Variants in PDE4B observed in about 807,000 individuals in gnomAD.
PDE4B encodes the protein 3',5'-cyclic-AMP phosphodiesterase 4B.
PDE4B carries 20 observed loss-of-function variants against 82.2 expected under a neutral mutation model. That is an observed-to-expected ratio of 0.24 (90% confidence interval 0.17 to 0.35). PDE4B has a LOEUF of 0.35. Ranked by LOEUF, PDE4B falls within the 10% of genes least tolerant of loss-of-function variation. The pLI is 1.00. For missense variants in PDE4B, 655 were observed against 907.2 expected (o/e 0.72, Z 3.57); for synonymous variants, 320 against 318.9 (o/e 1.00, Z -0.04).
chr1:66,090,621 A>ATATATATATATATATATG lies in PDE4B; in HGVS notation c.282-156838_282-156837insATATATATATATATATGT. Among the ~76,000 whole-genome samples, 27 of 122,718 alleles carry ATATATATATATATATATG rather than the reference A, an allele frequency of 2.2e-4. 2 individuals are homozygous for ATATATATATATATATATG. Among genetic ancestry groups the ATATATATATATATATATG allele is most frequent in the African/African-American group, 1.0e-3 (25 of 24,320 alleles). The allele number at this position is 122,718 out of a possible 152,430, so 80.5% of individuals were successfully genotyped here. A position where few individuals can be genotyped will look rare whatever the true frequency, so the allele number is the denominator to read the frequency against. ...TTATATATATATATGTATATAATATATGTGTGTGTGTGTGTGTGTATGTAC... is the reference window on the plus strand; with the variant it reads ...TTATATATATATATGTATATAATATATATATATATATATATATGTGTGTGTGTGTGTGTGTGTATGTAC... On this transcript the variant is annotated intron_variant, in intron 3 of 16. Coordinates refer to ENST00000341517, the MANE Select transcript of PDE4B (RefSeq NM_002600.4).
intron 1 of PDE4B, among the ~76,000 whole-genome samples, chr1:65,874,621 C>G (rs61799363): frequency 2.0e-5 from 3 of 151,986 alleles, no homozygotes; most frequent in African/African-American, 7.3e-5. Context: ...GAACAGAACA[C>G]AGCCCTCAGA....
At chr1:65,797,096 G>T (rs1336412527) in intron 1 of PDE4B, among the ~76,000 whole-genome samples, 1 of 151,910 alleles carries the variant, frequency 6.6e-6, no homozygotes, top group East Asian at 1.9e-4. Flanking sequence ...GGGATTACAG[G>T]TGCCCGCCAC....
intron 1 of PDE4B, among the ~76,000 whole-genome samples, chr1:65,796,742 T>C (rs1007394960): frequency 2.7e-5 from 4 of 148,130 alleles, no homozygotes; most frequent in African/African-American, 9.9e-5. Flanking sequence ...CTCTGCCTCC[T>C]GAGTTCAAGC....
Position 65,818,138 on chromosome 1 carries a change from G to C in PDE4B, c.-71+24890G>C, listed in dbSNP as rs148087314. On this transcript the variant is annotated intron_variant, in intron 1 of 16. Coordinates refer to ENST00000341517, the MANE Select transcript of PDE4B (RefSeq NM_002600.4). ...TTCCACCCTCAACAATGCCTTCCAA[G>C]GGATATTTCTAGCCTGCAAATCTAG... Among the ~76,000 whole-genome samples, 30 of 152,202 alleles carry C rather than the reference G, an allele frequency of 2.0e-4. No individual in the cohort carries two copies. In the East Asian group the frequency reaches 5.8e-3, roughly 29 times the overall value.
intron 4 of PDE4B, among the ~76,000 whole-genome samples, chr1:66,253,817 G>C (rs1653976318): frequency 6.6e-6 from 1 of 152,064 alleles, no homozygotes; most frequent in South Asian, 2.1e-4. Flanking sequence ...TACAGCATTA[G>C]CTTTGGCAGC....
At chr1:66,221,579 A>G (rs1027361416) in intron 3 of PDE4B, among the ~76,000 whole-genome samples, 4 of 152,224 alleles carry the variant, frequency 2.6e-5, no homozygotes, top group Non-Finnish European at 5.9e-5. Context: ...GATTAAACAT[A>G]TCAGGTAAAT....
At chr1:66,031,478 G>A (rs143417240) in intron 3 of PDE4B, among the ~76,000 whole-genome samples, 41 of 152,284 alleles carry the variant, frequency 2.7e-4, no homozygotes, top group African/African-American at 6.7e-4. Context: ...ATATTTCAGT[G>A]ACCCATATAT....
chr1:65,914,574 A>T (rs1435791506), intron 2 of PDE4B, among the ~76,000 whole-genome samples: 3 of 149,780 alleles, frequency 2.0e-5, no homozygotes, highest in Middle Eastern at 3.4e-3. Context: ...CTAAAAGAAA[A>T]CTTCTGGAAT....
intron 3 of PDE4B, among the ~76,000 whole-genome samples, chr1:66,217,959 G>A (rs1290836029): frequency 1.3e-5 from 2 of 152,102 alleles, no homozygotes; most frequent in African/African-American, 4.8e-5. Flanking sequence ...GGATGTTGAG[G>A]AAGGGAGTGT....
intron 1 of PDE4B, among the ~76,000 whole-genome samples, chr1:65,888,431 CTCT>C (rs1202912249): frequency 2.6e-5 from 4 of 152,128 alleles, no homozygotes; most frequent in African/African-American, 9.7e-5. Flanking sequence ...GCAGTTCAGA[CTCT>C]TCTTTGTTAA....
chr1:66,161,190 T>C (rs1237216506), intron 3 of PDE4B, among the ~76,000 whole-genome samples: 2 of 152,154 alleles, frequency 1.3e-5, no homozygotes, highest in East Asian at 3.8e-4. Context: ...TCAGCAGCGA[T>C]ATAGATGATT....
chr1:66,348,174 C>A (rs1383148243), intron 8 of PDE4B, among the ~76,000 whole-genome samples: 1 of 152,112 alleles, frequency 6.6e-6, no homozygotes, highest in Non-Finnish European at 1.5e-5. Flanking sequence ...CATATTAATG[C>A]CCTGTGGCCT....
intron 7 of PDE4B, among the ~76,000 whole-genome samples, chr1:66,270,331 C>A (rs1655374171): frequency 6.6e-6 from 1 of 152,198 alleles, no homozygotes; most frequent in Non-Finnish European, 1.5e-5. Flanking sequence ...TCCTTGGAAA[C>A]CTATTTCTCC....
chr1:66,173,759 C>T (rs1210966361), intron 3 of PDE4B, among the ~76,000 whole-genome samples: 1 of 152,098 alleles, frequency 6.6e-6, no homozygotes, highest in Non-Finnish European at 1.5e-5. Context: ...TCCAGTTGAG[C>T]TAATTTGACT....
At chr1:65,873,953 G>A (rs1447908319) in intron 1 of PDE4B, among the ~76,000 whole-genome samples, 7 of 148,020 alleles carry the variant, frequency 4.7e-5, no homozygotes, top group Admixed American at 4.6e-4. Context: ...ATTCTGTGAA[G>A]AAAGTCATTG....
intron 1 of PDE4B, among the ~76,000 whole-genome samples, chr1:65,851,186 T>C (rs1181572127): frequency 6.6e-6 from 1 of 152,202 alleles, no homozygotes; most frequent in Non-Finnish European, 1.5e-5. Context: ...GTTTTATCCT[T>C]ATGCCAGTAC....
chr1:66,322,522 C>T (rs1659475102), intron 7 of PDE4B, among the ~76,000 whole-genome samples: 1 of 152,086 alleles, frequency 6.6e-6, no homozygotes, highest in South Asian at 2.1e-4. Context: ...AGACATTTCT[C>T]AAAAGAAGAC....
At chr1:66,348,839 G>T (rs957322914) in intron 8 of PDE4B, among the ~76,000 whole-genome samples, 1 of 151,800 alleles carries the variant, frequency 6.6e-6, no homozygotes, top group Non-Finnish European at 1.5e-5. Flanking sequence ...CAGTCTTTAG[G>T]TATAAATAGT....
intron 1 of PDE4B, among the ~76,000 whole-genome samples, chr1:65,889,233 A>T (rs1290783801): frequency 6.6e-6 from 1 of 152,112 alleles, no homozygotes; most frequent in African/African-American, 2.4e-5. Flanking sequence ...GATGTATCAC[A>T]TTTATTGATT....
Sources: gnomAD v4.1 joint callset for allele counts (sites outside exome capture counted in the v4.1 genomes callset) on GRCh38, gnomAD v4.1.1 for gene constraint, MANE v1.5 for transcripts, NCBI Gene and HGNC (gene_info 2026-07-23, HGNC 2026-07-21) for gene names.